ZNF385D: variants seen among roughly 807,000 people sequenced by gnomAD.
The protein encoded by ZNF385D is zinc finger protein 659.
A neutral mutation model predicts 35.8 loss-of-function variants in ZNF385D; 15 were observed. The observed-to-expected ratio is 0.42, with a 90% confidence interval of 0.28 to 0.64. The LOEUF is 0.64. Among genes scored for constraint, ZNF385D ranks in the 30% least tolerant of loss-of-function variants. ZNF385D has a pLI of 0.23. For synonymous variants in ZNF385D, 212 were observed against 186.8 expected, an observed-to-expected ratio of 1.13 and a Z score of -1.10; for missense variants, 474 against 494.6, an observed-to-expected ratio of 0.96 and a Z score of 0.39.
intron 3 of ZNF385D, among the ~76,000 whole-genome samples, chr3:21,807,268 C>A (rs1013090246): frequency 6.6e-6 from 1 of 152,184 alleles, no homozygotes; most frequent in African/African-American, 2.4e-5. Flanking sequence ...TGATTTACAT[C>A]TAGAGCATAT....
intron 1 of ZNF385D, among the ~76,000 whole-genome samples, chr3:21,704,233 CTCAG>C (rs1359615113): frequency 1.3e-5 from 2 of 152,146 alleles, no homozygotes; most frequent in Non-Finnish European, 2.9e-5. Flanking sequence ...GGTTTGCCTA[CTCAG>C]TCAGCCACCA....
chr3:21,869,422 T>C (rs1267366200), intron 3 of ZNF385D, among the ~76,000 whole-genome samples: 1 of 152,110 alleles, frequency 6.6e-6, no homozygotes, highest in Non-Finnish European at 1.5e-5. Context: ...CCACCGCTCA[T>C]CAGCACATCT....
At chr3:21,758,116 G>A (rs970139078) in intron 3 of ZNF385D, among the ~76,000 whole-genome samples, 3 of 152,086 alleles carry the variant, frequency 2.0e-5, no homozygotes, top group African/African-American at 4.8e-5. Flanking sequence ...TCAAATTCAC[G>A]TGTTCCCTTA....
chr3:21,823,955 A>G (rs551403117), intron 3 of ZNF385D, among the ~76,000 whole-genome samples: 1 of 152,338 alleles, frequency 6.6e-6, no homozygotes, highest in South Asian at 2.1e-4. Context: ...TTGAGAAATC[A>G]TTAAATTATT....
chr3:21,943,013 G>T (rs1331018187), intron 3 of ZNF385D, among the ~76,000 whole-genome samples: 1 of 152,028 alleles, frequency 6.6e-6, no homozygotes, highest in Non-Finnish European at 1.5e-5. Flanking sequence ...ACTTATAAAT[G>T]TAATATTACT....
chr3:21,668,117 C>T (rs1230655979), intron 1 of ZNF385D, among the ~76,000 whole-genome samples: 1 of 152,190 alleles, frequency 6.6e-6, no homozygotes, highest in South Asian at 2.1e-4. Flanking sequence ...TTCCCAGAAC[C>T]CCCTTCGGCA....
chr3:21,703,142 G>A (rs1437946148), intron 1 of ZNF385D, among the ~76,000 whole-genome samples: 2 of 152,148 alleles, frequency 1.3e-5, no homozygotes, highest in African/African-American at 4.8e-5. Flanking sequence ...AAGAAAAAGA[G>A]CTTTAATTGG....
intron 3 of ZNF385D, among the ~76,000 whole-genome samples, chr3:21,537,164 G>A (rs952570960): frequency 2.7e-4 from 32 of 118,106 alleles, no homozygotes; most frequent in African/African-American, 9.1e-4. Context: ...ATGGAGTCTC[G>A]CTGTGTCACC....
chr3:22,304,870 G>C (rs1361557818), intron 2 of ZNF385D, among the ~76,000 whole-genome samples: 1 of 151,960 alleles, frequency 6.6e-6, no homozygotes, highest in East Asian at 1.9e-4. Flanking sequence ...TTGCCAAATA[G>C]GGTACTTTGT....
At chr3:21,551,912 TA>T (rs988637012) in intron 3 of ZNF385D, among the ~76,000 whole-genome samples, 2 of 152,102 alleles carry the variant, frequency 1.3e-5, no homozygotes, top group East Asian at 1.9e-4. Flanking sequence ...TAGGAAGGGT[TA>T]AAAAAATATA....
At chr3:21,643,599 A>T (rs1363074933) in intron 2 of ZNF385D, among the ~76,000 whole-genome samples, 2 of 152,140 alleles carry the variant, frequency 1.3e-5, no homozygotes, top group East Asian at 1.9e-4. Context: ...GGAGTTCAGT[A>T]AAATGAATTC....
intron 3 of ZNF385D, among the ~76,000 whole-genome samples, chr3:21,771,247 A>G (rs1270141987): frequency 6.6e-6 from 1 of 151,932 alleles, no homozygotes; most frequent in Non-Finnish European, 1.5e-5. Flanking sequence ...AATAATAAAA[A>G]AAAAAACCTG....
At chr3:22,202,758 A>G (rs1399669334) in intron 2 of ZNF385D, among the ~76,000 whole-genome samples, 1 of 152,078 alleles carries the variant, frequency 6.6e-6, no homozygotes, top group African/African-American at 2.4e-5. Context: ...AAAAGACAGC[A>G]CATTGAATGT....
chr3:22,097,172 T>A (rs1489309266), intron 3 of ZNF385D, among the ~76,000 whole-genome samples: 4 of 152,144 alleles, frequency 2.6e-5, no homozygotes, highest in African/African-American at 9.7e-5. Flanking sequence ...GCTTGCAGAA[T>A]CCTTTCTGAA....
At chr3:21,902,335 G>A (rs1257812390) in intron 3 of ZNF385D, among the ~76,000 whole-genome samples, 2 of 152,082 alleles carry the variant, frequency 1.3e-5, no homozygotes, top group Non-Finnish European at 2.9e-5. Flanking sequence ...CTATGTTAGG[G>A]TGGGAAATGT....
At chr3:22,311,682 G>A (rs1449601907) in intron 2 of ZNF385D, among the ~76,000 whole-genome samples, 1 of 152,080 alleles carries the variant, frequency 6.6e-6, no homozygotes, top group Non-Finnish European at 1.5e-5. Flanking sequence ...ATGATGTAGA[G>A]GAGTGGAGAA....
chr3:22,171,383 C>G (rs1476880040), intron 2 of ZNF385D, among the ~76,000 whole-genome samples: 3 of 152,092 alleles, frequency 2.0e-5, no homozygotes, highest in African/African-American at 7.2e-5. Flanking sequence ...TTTCAAGCCT[C>G]TGAGATTTAT....
chr3:22,048,315 T>A (rs569680590), intron 3 of ZNF385D, among the ~76,000 whole-genome samples: 1 of 152,148 alleles, frequency 6.6e-6, no homozygotes, highest in Non-Finnish European at 1.5e-5. Flanking sequence ...TGGGGCCATA[T>A]TCAAAAAAAT....
At chr3:21,975,739 A>ATGTATATATATATATATATATATATATG (rs1553711015) in intron 3 of ZNF385D, among the ~76,000 whole-genome samples, 5 of 48,404 alleles carry the variant, frequency 1.0e-4, no homozygotes, top group African/African-American at 1.5e-4. Context: ...ATATATATAT[A>ATGTATATATATATATATATATATATATG]TATATATATA....
Sources: allele counts gnomAD v4.1 joint callset (sites outside exome capture counted in the v4.1 genomes callset), GRCh38; gene constraint gnomAD v4.1.1; transcripts MANE v1.5; gene names NCBI Gene and HGNC (gene_info 2026-07-23, HGNC 2026-07-21).